The following NDUFA8 variants were observed in gnomAD, a reference collection of about 807,000 sequenced individuals.
NDUFA8 encodes the protein NADH dehydrogenase [ubiquinone] 1 alpha subcomplex subunit 8.
NDUFA8 carries 16 observed loss-of-function variants against 20.9 expected under a neutral mutation model. The observed-to-expected ratio is 0.77, with a 90% confidence interval of 0.52 to 1.16. NDUFA8 has a LOEUF of 1.16. Among genes scored for constraint, NDUFA8 ranks in the 50% most tolerant of loss-of-function variants. The pLI, the probability that NDUFA8 is intolerant of heterozygous loss-of-function variation, is 0.00. For synonymous variants in NDUFA8, 70 were observed against 76.1 expected, an observed-to-expected ratio of 0.92 and a Z score of 0.41; for missense variants, 202 against 216.4, an observed-to-expected ratio of 0.93 and a Z score of 0.42.
chr9:122,144,219 A>T lies in NDUFA8; in HGVS notation c.*22T>A. 6.2e-7 allele frequency: 1 copy of T among 1,612,930 alleles called. No individual in the cohort carries two copies. The highest frequency in any genetic ancestry group is 8.5e-7 in the Non-Finnish European group (1 of 1,179,852). On this transcript the variant is annotated 3_prime_UTR_variant, in exon 4 of 4. Transcript: ENST00000373768. ...CAGTCGTTGTCTGAGCACATGACCG[A>T]GTGTGGGCCACGGACCCATCTTTAC... is the stretch of plus-strand genomic sequence containing the variant.
the NDUFA8 span, among the ~76,000 whole-genome samples, chr9:122,135,047 A>G: frequency 7.2e-5 from 11 of 152,232 alleles, no homozygotes; most frequent in Admixed American, 3.9e-4. Flanking sequence ...TTGTCCACCA[A>G]TTAGCCCAAG....
the NDUFA8 span, among the ~76,000 whole-genome samples, chr9:122,136,002 T>C: frequency 2.0e-5 from 3 of 152,232 alleles, no homozygotes; most frequent in East Asian, 1.9e-4. Flanking sequence ...ATAATCGCCA[T>C]GTAATTTGAC....
chr9:122,133,909 T>C, the NDUFA8 span, among the ~76,000 whole-genome samples: 2 of 152,138 alleles, frequency 1.3e-5, no homozygotes, highest in Admixed American at 1.3e-4. Context: ...TCCTACCCCA[T>C]CCCTCCCCAC....
chr9:122,156,486 A>G (rs1829077155), intron 1 of NDUFA8, among the ~76,000 whole-genome samples: 1 of 152,228 alleles, frequency 6.6e-6, no homozygotes, highest in South Asian at 2.1e-4. Flanking sequence ...GTTAATATAT[A>G]TAAAAATAAT....
chr9:122,134,270 G>A, the NDUFA8 span, among the ~76,000 whole-genome samples: 1 of 152,138 alleles, frequency 6.6e-6, no homozygotes, highest in East Asian at 1.9e-4. Context: ...TGTTATCTCC[G>A]TATGGTAGGT....
chr9:122,158,907 C>T (rs112131094), intron 1 of NDUFA8, among the ~76,000 whole-genome samples: 28 of 151,890 alleles, frequency 1.8e-4, no homozygotes, highest in African/African-American at 6.3e-4. Context: ...CTAGAAAGGA[C>T]TTGATCATGT....
downstream of NDUFA8, among the ~76,000 whole-genome samples, chr9:122,141,375 T>C (rs1384990906): frequency 6.6e-6 from 1 of 152,026 alleles, no homozygotes; most frequent in Non-Finnish European, 1.5e-5. Flanking sequence ...CATTTAATAA[T>C]CCAGGCAAGG....
At chr9:122,154,422 T>C (rs764504752) in intron 1 of NDUFA8, among the ~76,000 whole-genome samples, 30 of 152,262 alleles carry the variant, frequency 2.0e-4, no homozygotes, top group Non-Finnish European at 4.3e-4. Context: ...TATAGGGACC[T>C]TGAACATTTC....
At position 122,152,303 on chromosome 9, in the gene NDUFA8, G is replaced by C; in HGVS notation, c.157C>G (p.Pro53Ala). The change falls in exon 2 of 4, where the codon CCG becomes GCG. Residue 53 changes from proline to alanine, a missense_variant. Physicochemically the swap from Pro to Ala is conservative, Grantham distance 27. Transcript: ENST00000373768. ...FMLCRWEEKD[P>A]RRCLEEGKLV... ...TTGCCTTCCTCTAAACACCGCCTCG[G>C]ATCTTTCTCTTCCCAGCGGCAGAGC... 1 of 1,614,150 alleles carries C rather than the reference G, an allele frequency of 6.2e-7. No homozygotes were observed. Among genetic ancestry groups the C allele is most frequent in the South Asian group, 1.1e-5 (1 of 91,078 alleles).
chr9:122,151,541 G>A (rs1193276070), intron 2 of NDUFA8, among the ~76,000 whole-genome samples: 1 of 152,152 alleles, frequency 6.6e-6, no homozygotes, highest in African/African-American at 2.4e-5. Context: ...AGCAAGGTGA[G>A]AGTCTTTCCA....
chr9:122,146,247 G>A (rs1750639423), intron 3 of NDUFA8, among the ~76,000 whole-genome samples: 1 of 152,186 alleles, frequency 6.6e-6, no homozygotes, highest in African/African-American at 2.4e-5. Context: ...TTGCAGGTGT[G>A]AGCCATGGCA....
At chr9:122,158,593 T>G (rs565936695) in intron 1 of NDUFA8, among the ~76,000 whole-genome samples, 1 of 152,048 alleles carries the variant, frequency 6.6e-6, no homozygotes, top group East Asian at 1.9e-4. Context: ...CTCCGTGACC[T>G]TGGGCAAATC....
the NDUFA8 span, among the ~76,000 whole-genome samples, chr9:122,137,326 C>A: frequency 7.2e-6 from 1 of 138,630 alleles, no homozygotes; most frequent in Non-Finnish European, 1.5e-5. Context: ...CATGCAGACT[C>A]TGCCTCTTGG....
the NDUFA8 span, among the ~76,000 whole-genome samples, chr9:122,137,030 T>C: frequency 6.6e-6 from 1 of 152,006 alleles, no homozygotes; most frequent in African/African-American, 2.4e-5. Flanking sequence ...CTCCACACAA[T>C]AGCACTAGCC....
rs1289601245 is a variant in NDUFA8, at chr9:122,144,197, T to C, written c.*44A>G. ...CAAACCGCATGGGCGTTTTCATCAG[T>C]CGTTGTCTGAGCACATGACCGAGTG... On this transcript the variant is annotated 3_prime_UTR_variant, in exon 4 of 4. Coordinates refer to ENST00000373768, the MANE Select transcript of NDUFA8 (RefSeq NM_014222.3). The C allele has an allele frequency of 6.2e-7, 1 of 1,612,612 alleles. No homozygotes were observed. Among genetic ancestry groups the C allele is most frequent in the Admixed American group, 1.7e-5 (1 of 60,026 alleles).
intron 1 of NDUFA8, among the ~76,000 whole-genome samples, chr9:122,156,469 TAA>T (rs1829076738): frequency 6.6e-6 from 1 of 152,230 alleles, no homozygotes; most frequent in Non-Finnish European, 1.5e-5. Context: ...TTATGAAGAT[TAA>T]ATGAGTTAAT....
chr9:122,140,580 G>A (rs1366431335), downstream of NDUFA8, among the ~76,000 whole-genome samples: 3 of 152,188 alleles, frequency 2.0e-5, no homozygotes, highest in South Asian at 2.1e-4. Flanking sequence ...CTGGATGTTT[G>A]TCATATACTG....
At chr9:122,140,278 C>G (rs976490363), downstream of NDUFA8, among the ~76,000 whole-genome samples, 9 of 152,130 alleles carry the variant, frequency 5.9e-5, no homozygotes, top group African/African-American at 1.9e-4. Flanking sequence ...ACACACATCA[C>G]AAATAATCAA....
intron 3 of NDUFA8, among the ~76,000 whole-genome samples, chr9:122,144,910 G>A (rs370602316): frequency 1.3e-4 from 20 of 152,164 alleles, no homozygotes; most frequent in African/African-American, 4.6e-4. Flanking sequence ...TGAATCAAAG[G>A]CTGCATGAAG....
Sources: allele counts gnomAD v4.1 joint callset (sites outside exome capture counted in the v4.1 genomes callset), GRCh38; gene constraint gnomAD v4.1.1; transcripts MANE v1.5; gene names NCBI Gene and HGNC (gene_info 2026-07-23, HGNC 2026-07-21).